PTPRJ: variants seen among roughly 807,000 people sequenced by gnomAD.
The protein encoded by PTPRJ is receptor-type tyrosine-protein phosphatase eta.
A neutral mutation model predicts 141.3 loss-of-function variants in PTPRJ; 129 were observed. The observed-to-expected ratio is 0.91, with a 90% CI of 0.79 to 1.06. PTPRJ has a LOEUF of 1.06. Among genes scored for constraint, PTPRJ ranks in the 50% least tolerant of loss-of-function variants. The probability of loss-of-function intolerance (pLI) is 0.00; values close to 1 mark genes in which losing one functional copy is unlikely to be tolerated. For missense variants in PTPRJ, 1,601 were observed against 1,679.7 expected (o/e 0.95, Z 0.82); for synonymous variants, 610 against 640.5 (o/e 0.95, Z 0.72).
At chr11:48,099,584 T>C (rs11603840) in intron 1 of PTPRJ, among the ~76,000 whole-genome samples, 6,225 of 152,142 alleles carry the variant, frequency 0.041, 142 homozygotes, top group East Asian at 0.084. Context: ...TCTCCTCCCG[T>C]CACTCTCTTC....
At chr11:48,106,051 G>A (rs957699044) in intron 1 of PTPRJ, among the ~76,000 whole-genome samples, 1 of 152,146 alleles carries the variant, frequency 6.6e-6, no homozygotes, top group Non-Finnish European at 1.5e-5. Context: ...GCTCCAGCTA[G>A]GATATTGGCT....
chr11:48,029,431 C>T (rs1853921533), intron 1 of PTPRJ, among the ~76,000 whole-genome samples: 1 of 152,204 alleles, frequency 6.6e-6, no homozygotes, highest in Non-Finnish European at 1.5e-5. Flanking sequence ...CCTTTTCTCT[C>T]TTCCCCTCCC....
chr11:48,010,005 C>G (rs1393706843), intron 1 of PTPRJ, among the ~76,000 whole-genome samples: 3 of 152,090 alleles, frequency 2.0e-5, no homozygotes, highest in Non-Finnish European at 4.4e-5. Flanking sequence ...ACTCTGGGGA[C>G]TCCCCATCCC....
chr11:48,005,818 T>G (rs1854607075), intron 1 of PTPRJ, among the ~76,000 whole-genome samples: 1 of 152,250 alleles, frequency 6.6e-6, no homozygotes, highest in African/African-American at 2.4e-5. Flanking sequence ...ATGTGCTTCC[T>G]TTCTTTTAAG....
chr11:48,160,246 T>G (rs368569867), intron 22 of PTPRJ, among the ~76,000 whole-genome samples, 197 bp downstream of exon 22: 1 of 152,342 alleles, frequency 6.6e-6, no homozygotes, highest in East Asian at 1.9e-4. Context: ...GAAATTTACT[T>G]TCTTGGGAAT....
chr11:48,041,173 T>C (rs1355249797), intron 1 of PTPRJ, among the ~76,000 whole-genome samples: 1 of 152,066 alleles, frequency 6.6e-6, no homozygotes, highest in African/African-American at 2.4e-5. Flanking sequence ...ATTCACGTCT[T>C]GAAGTTAGGC....
At chr11:48,065,547 A>G (rs528809160) in intron 1 of PTPRJ, among the ~76,000 whole-genome samples, 2 of 152,304 alleles carry the variant, frequency 1.3e-5, no homozygotes, top group African/African-American at 4.8e-5. Context: ...TGTTAGATTA[A>G]AAAACTTTTA....
chr11:47,989,165 G>A (rs1383432567), intron 1 of PTPRJ, among the ~76,000 whole-genome samples: 1 of 151,866 alleles, frequency 6.6e-6, no homozygotes, highest in East Asian at 1.9e-4. Flanking sequence ...TTACAGGTGT[G>A]AGCCACCGCG....
chr11:48,016,996 G>A (rs560549028), intron 1 of PTPRJ, among the ~76,000 whole-genome samples: 4 of 151,994 alleles, frequency 2.6e-5, no homozygotes, highest in Non-Finnish European at 5.9e-5. Flanking sequence ...CTGGGCTCAA[G>A]CAATCCTCCC....
intron 1 of PTPRJ, among the ~76,000 whole-genome samples, chr11:48,027,904 C>T (rs994167522): frequency 2.0e-5 from 3 of 150,848 alleles, no homozygotes; most frequent in Non-Finnish European, 4.4e-5. Context: ...AAAACTGCTT[C>T]GGAGAGCTCT....
At chr11:47,998,155 T>C (rs1854392724) in intron 1 of PTPRJ, among the ~76,000 whole-genome samples, 1 of 150,968 alleles carries the variant, frequency 6.6e-6, no homozygotes. Flanking sequence ...TTTCATGAGG[T>C]TTTTCTGAGA....
chr11:48,041,124 T>C (rs1473877165), intron 1 of PTPRJ, among the ~76,000 whole-genome samples: 1 of 152,054 alleles, frequency 6.6e-6, no homozygotes, highest in Non-Finnish European at 1.5e-5. Context: ...CTGAGCTCAC[T>C]ATGCTGGGTT....
intron 1 of PTPRJ, among the ~76,000 whole-genome samples, chr11:48,064,261 G>A (rs1855017257): frequency 6.6e-6 from 1 of 152,132 alleles, no homozygotes; most frequent in Non-Finnish European, 1.5e-5. Flanking sequence ...GTGAGTCAGG[G>A]AAGGTGGTGA....
At position 48,129,665 on chromosome 11, in the gene PTPRJ, C is replaced by A. The variant is rs76826202; in HGVS notation, c.1358-794C>A. ...CTGCAGAACTGACCCCCTGGAGAGT[C>A]ACCACCTTGGTCACAGACAGCAGAG... On this transcript the variant is annotated intron_variant, in intron 7 of 24. Coordinates refer to ENST00000418331, the MANE Select transcript of PTPRJ (RefSeq NM_002843.4). Among the ~76,000 whole-genome samples, 480 of 152,232 alleles carry A rather than the reference C, an allele frequency of 3.2e-3. 2 individuals carry two copies. The highest frequency in any genetic ancestry group is 0.011 in the African/African-American group (470 of 41,530).
At chr11:48,130,782 C>A in intron 8 of PTPRJ, 66 bp downstream of exon 8, 1 of 1,405,832 alleles carries the variant, frequency 7.1e-7, no homozygotes, top group Non-Finnish European at 9.4e-7. Flanking sequence ...AATTAATAAA[C>A]ATAATGTTTC....
At chr11:48,109,904 T>A (rs1177496796) in intron 1 of PTPRJ, among the ~76,000 whole-genome samples, 154 bp from the exon 2 acceptor site, 1 of 152,190 alleles carries the variant, frequency 6.6e-6, no homozygotes, top group Non-Finnish European at 1.5e-5. Flanking sequence ...GTGTTTAATG[T>A]CCCAAGACGG....
At chr11:47,987,042 C>G (rs1293917212) in intron 1 of PTPRJ, among the ~76,000 whole-genome samples, 1 of 151,858 alleles carries the variant, frequency 6.6e-6, no homozygotes, top group Non-Finnish European at 1.5e-5. Flanking sequence ...AAAGTGAGAC[C>G]TTGTCTATAC....
intron 8 of PTPRJ, among the ~76,000 whole-genome samples, chr11:48,131,051 C>CACACACACACACATAT (rs1286082298): frequency 8.9e-6 from 1 of 112,074 alleles, no homozygotes; most frequent in Non-Finnish European, 1.7e-5. Flanking sequence ...CACACACACA[C>CACACACACACACATAT]ATATATATAT....
intron 1 of PTPRJ, among the ~76,000 whole-genome samples, chr11:48,048,106 C>T (rs553614691): frequency 3.0e-4 from 46 of 152,280 alleles, no homozygotes; most frequent in Admixed American, 3.0e-3. Context: ...TAGTCTGCTG[C>T]TGTTTCGAAT....
Sources: allele counts gnomAD v4.1 joint callset (sites outside exome capture counted in the v4.1 genomes callset), GRCh38; gene constraint gnomAD v4.1.1; transcripts MANE v1.5; gene names NCBI Gene and HGNC (gene_info 2026-07-23, HGNC 2026-07-21).